The following SLC35B2 variants were observed in gnomAD, a reference collection of about 807,000 sequenced individuals.
SLC35B2 encodes the protein adenosine 3'-phospho 5'-phosphosulfate transporter 1.
Under a neutral mutation model 37.9 loss-of-function variants are expected in SLC35B2, and 19 were observed. The ratio of observed to expected loss-of-function variants is 0.50; its 90% CI spans 0.35 to 0.74. The LOEUF (loss-of-function observed/expected upper bound fraction) is 0.74. SLC35B2 is among the 30% of genes least tolerant of loss of function. The pLI is 0.01. For missense variants in SLC35B2, 633 were observed against 547.6 expected (o/e 1.16, Z -1.56); for synonymous variants, 277 against 225.2 (o/e 1.23, Z -2.06).
rs369016707 is a variant in SLC35B2 at position 44,256,530 on chromosome 6, T to G, written c.206-34A>C. 1,374 of 1,613,760 alleles carry G rather than the reference T, an allele frequency of 8.5e-4. 3 individuals carry two copies. The highest frequency in any genetic ancestry group is 1.1e-3 in the Non-Finnish European group (1,261 of 1,179,936). The stretch of plus-strand genomic sequence containing the variant: ...AGCACACAAAGTCAAGCCCCAAATC[T>G]TCTCCATAGCACTTCATCTTCCCCA... On this transcript the variant is annotated intron_variant, in intron 2 of 3. Coordinates refer to ENST00000393812, the MANE Select transcript of SLC35B2 (RefSeq NM_178148.4).
At chr6:44,256,303 C>G in intron 3 of SLC35B2, 39 bp downstream of exon 3, 8 of 1,576,802 alleles carry the variant, frequency 5.1e-6, no homozygotes, top group Non-Finnish European at 6.9e-6. Flanking sequence ...TGCCCACCGG[C>G]ATCCAACCCA....
At position 44,255,572 on chromosome 6, in the gene SLC35B2, G is replaced by C. The variant is rs141685221; in HGVS notation, c.433C>G (p.Pro145Ala). The change falls in exon 4 of 4, where the codon CCG (proline) becomes GCG (alanine). Residue 145 changes from proline (P) to alanine (A), a missense_variant. By Grantham distance (27) the Pro-to-Ala change is conservative. Coordinates refer to ENST00000393812, the MANE Select transcript of SLC35B2 (RefSeq NM_178148.4). ...TRSYGATATS[P>A]GERFTDSQFL... is the part of the protein sequence containing the mutation. Reference sequence around the variant, plus strand: ...TGCGAGTCCGTAAAGCGCTCACCCGGTGATGTGGCTGTGGCCCCATAGCTG... The same window carrying C: ...TGCGAGTCCGTAAAGCGCTCACCCGCTGATGTGGCTGTGGCCCCATAGCTG... 9.3e-6 allele frequency: 15 copies of C among 1,614,048 alleles called. No homozygotes were observed. Among genetic ancestry groups the C allele is most frequent in the African/African-American group, 2.7e-5 (2 of 74,920 alleles).
rs1401352981 is a variant in SLC35B2 at position 44,255,130 on chromosome 6, A to G, written c.875T>C (p.Leu292Pro). Residue 292 changes from leucine (L) to proline (P), a missense_variant, in exon 4 of 4, where the codon CTG becomes CCG. Transcript: ENST00000393812. ...CACCGATGACATCTTATAGGCAAAC[A>G]GGGCATCCTGCCAGTTTGAGGTGAA... ...DSFTSNWQDA[L>P]FAYKMSSVQM... 1.2e-6 allele frequency: 2 copies of G among 1,614,128 alleles called. No homozygotes were observed. Among genetic ancestry groups the G allele is most frequent in the East Asian group, 2.2e-5 (1 of 44,884 alleles).
chr6:44,256,182 C>G (rs1345325685), intron 3 of SLC35B2, among the ~76,000 whole-genome samples, 160 bp downstream of exon 3: 1 of 152,184 alleles, frequency 6.6e-6, no homozygotes, highest in East Asian at 1.9e-4. Flanking sequence ...AAGGGCATTT[C>G]CCCCAAACAC....
rs144120153 is a variant in SLC35B2, at chr6:44,255,020, G to T, written c.985C>A (p.Arg329Ser). 30 of 1,614,064 alleles carry T rather than the reference G, an allele frequency of 1.9e-5. No individual in the cohort carries two copies. Among genetic ancestry groups the T allele is most frequent in the Middle Eastern group, 3.3e-4 (2 of 6,084 alleles). The change falls in exon 4 of 4, where the codon CGC (arginine) becomes AGC (serine). Residue 329 changes from arginine (R) to serine (S), a missense_variant. Physicochemically the swap from Arg to Ser is moderately radical, Grantham distance 110 (BLOSUM62 -1). Coordinates refer to ENST00000393812, the MANE Select transcript of SLC35B2 (RefSeq NM_178148.4). Reference protein sequence around the residue: ...LEQGALLEGTRFMGRHSEFAA... With the variant: ...LEQGALLEGTSFMGRHSEFAA... Reference sequence around the variant, plus strand: ...AACTCACTGTGTCGCCCCATGAAGCGGGTTCCCTCCAGTAGGGCCCCCTGT... The same window carrying T: ...AACTCACTGTGTCGCCCCATGAAGCTGGTTCCCTCCAGTAGGGCCCCCTGT...
At position 44,256,348 on chromosome 6, in the gene SLC35B2, C is replaced by T. The variant is rs777582866; in HGVS notation, c.354G>A (p.Gly118=). The T allele has an allele frequency of 6.2e-7, 1 of 1,610,052 alleles. No individual in the cohort carries two copies. The highest frequency in any genetic ancestry group is 8.5e-7 in the Non-Finnish European group (1 of 1,178,142). ...QALKLLFCAT[G]LQVSYLTWGV... The stretch of plus-strand genomic sequence containing the variant: ...GCTGAGCCCACCTACCCACCTGGAG[C>T]CCTGTGGCACAGAAGAGCAGCTTCA... Residue 118 remains glycine (G), a synonymous_variant, in exon 3 of 4, where the codon GGG becomes GGA. Coordinates refer to ENST00000393812, the MANE Select transcript of SLC35B2 (RefSeq NM_178148.4).
At chr6:44,257,295 C>G (rs948726966) in intron 1 of SLC35B2, 105 bp downstream of exon 1, 222 of 1,237,682 alleles carry the variant, frequency 1.8e-4, no homozygotes, top group Non-Finnish European at 1.8e-4. Context: ...ATATGCTGGC[C>G]GACGGCCGAG....
rs1016712362 is a variant in SLC35B2 at position 44,255,048 on chromosome 6, T to C, written c.957A>G (p.Leu319=). The C allele has an allele frequency of 2.5e-6, 4 of 1,614,194 alleles. No individual in the cohort carries two copies. The highest frequency in any genetic ancestry group is 1.1e-5 in the South Asian group (1 of 91,082). The change falls in exon 4 of 4, where the codon CTA becomes CTG. Residue 319 remains leucine (L), a synonymous_variant. Transcript: ENST00000393812. The part of the protein sequence containing the change: ...FSCLFTVGSL[L]EQGALLEGTR... ...TTCCCTCCAGTAGGGCCCCCTGTTCTAGCAGTGAGCCCACTGTGAAGAGGC... is the reference window on the plus strand; with the variant it reads ...TTCCCTCCAGTAGGGCCCCCTGTTCCAGCAGTGAGCCCACTGTGAAGAGGC...
At chr6:44,257,570 C>G, upstream of SLC35B2, 1 of 578,880 alleles carries the variant, frequency 1.7e-6, no homozygotes, top group Non-Finnish European at 2.4e-6. Flanking sequence ...CCCCTCCGCC[C>G]CTGCCGCGAC....
rs1196444328 is a variant in SLC35B2, at chr6:44,255,644, C to A, written c.361G>T (p.Val121Leu). Residue 121 changes from valine to leucine, a missense_variant and splice_region_variant, in exon 4 of 4, where the codon GTG becomes TTG. Val to Leu is a conservative substitution (Grantham distance 32). Transcript: ENST00000393812. ...KLLFCATGLQVSYLTWGVLQE... is the reference protein window; with the variant it reads ...KLLFCATGLQLSYLTWGVLQE... The stretch of plus-strand genomic sequence containing the variant: ...AGCACACCCCAAGTCAGATAAGACA[C>A]CTGTTGGGGAAGGTAGAGACAAAGG... The A allele has an allele frequency of 6.2e-7, 1 of 1,608,804 alleles. No individual in the cohort carries two copies. The highest frequency in any genetic ancestry group is 2.2e-5 in the East Asian group (1 of 44,794).
At position 44,254,727 on chromosome 6, in the gene SLC35B2, C is replaced by T. The variant is rs547053957; in HGVS notation, c.1278G>A (p.Glu426=). ...ACCCTCAAACCTTCTGCACAGGAGA[C>T]TCAACAGGCACAGCCTTCTTTCCCC... ...KQRGKKAVPV[E]SPVQKV The change falls in exon 4 of 4, where the codon GAG becomes GAA. Residue 426 remains glutamate, a synonymous_variant. Transcript: ENST00000393812. 2.5e-6 allele frequency: 4 copies of T among 1,612,754 alleles called. No homozygotes were observed. In the South Asian group the frequency reaches 3.3e-5, roughly 13 times the overall value.
chr6:44,256,588 C>A, intron 2 of SLC35B2, 92 bp from the exon 3 acceptor site: 1 of 1,611,284 alleles, frequency 6.2e-7, no homozygotes, highest in Non-Finnish European at 8.5e-7. Flanking sequence ...TCCGGCCTAC[C>A]GACCTCCCGC....
chr6:44,257,509 A>AGCCAGCGGCCAGCGG lies in SLC35B2; in HGVS notation c.-114_-100dup, dbSNP rs1300126161. 1.7e-6 allele frequency: 2 copies of AGCCAGCGGCCAGCGG among 1,161,694 alleles called. No individual in the cohort carries two copies. Among genetic ancestry groups the AGCCAGCGGCCAGCGG allele is most frequent in the East Asian group, 6.6e-5 (2 of 30,376 alleles). 72.0% of individuals were successfully genotyped at this position (1,161,694 alleles called of 1,614,324 possible). On this transcript the variant is annotated 5_prime_UTR_variant, in exon 1 of 4. Transcript: ENST00000393812. ...CCGCCGCCTCCAGGAGCGGCCAGCG[A>AGCCAGCGGCCAGCGG]GCCAGCGGCCAGCGGAAGTGCCGCG... is the stretch of plus-strand genomic sequence containing the variant.
At chr6:44,255,739 GATTC>G in intron 3 of SLC35B2, 95 bp from the exon 4 acceptor site, 11 of 1,186,462 alleles carry the variant, frequency 9.3e-6, no homozygotes, top group Non-Finnish European at 1.3e-5. Context: ...ATGCCTAAGT[GATTC>G]AAAGGAAAAT....
At position 44,255,580 on chromosome 6, in the gene SLC35B2, G is replaced by A. The variant is rs776097084; in HGVS notation, c.425C>T (p.Ala142Val). The stretch of plus-strand genomic sequence containing the variant: ...CGTAAAGCGCTCACCCGGTGATGTG[G>A]CTGTGGCCCCATAGCTGCGGGTCAT... ...RVMTRSYGAT[A>V]TSPGERFTDS... The change falls in exon 4 of 4, where the codon GCC (alanine) becomes GTC (valine). Residue 142 changes from alanine to valine, a missense_variant. Physicochemically the swap from Ala to Val is moderately conservative, Grantham distance 64 (BLOSUM62 0). Coordinates refer to ENST00000393812, the MANE Select transcript of SLC35B2 (RefSeq NM_178148.4). The A allele has an allele frequency of 3.1e-6, 5 of 1,614,164 alleles. No homozygotes were observed. The highest frequency in any genetic ancestry group is 1.3e-5 in the African/African-American group (1 of 75,042).
At position 44,254,994 on chromosome 6, in the gene SLC35B2, A is replaced by G. The variant is rs374619721; in HGVS notation, c.1011T>C (p.Phe337=). 6.8e-6 allele frequency: 11 copies of G among 1,614,100 alleles called. No individual in the cohort carries two copies. The African/African-American group carries it at 1.1e-4, about 16-fold the overall frequency. The change falls in exon 4 of 4, where the codon TTT becomes TTC. Residue 337 remains phenylalanine (F), a synonymous_variant. Coordinates refer to ENST00000393812, the MANE Select transcript of SLC35B2 (RefSeq NM_178148.4). ...GTRFMGRHSE[F]AAHALLLSIC... is the part of the protein sequence containing the mutation. ...TGGAGAGTAGCAGGGCATGGGCAGC[A>G]AACTCACTGTGTCGCCCCATGAAGC... is the stretch of plus-strand genomic sequence containing the variant.
In SLC35B2 at chr6:44,255,654, A is replaced by G; in HGVS notation, c.361-10T>C. 6.2e-7 allele frequency: 1 copy of G among 1,605,516 alleles called. No individual in the cohort carries two copies. The highest frequency in any genetic ancestry group is 1.3e-5 in the African/African-American group (1 of 74,828). On this transcript the variant is annotated splice_polypyrimidine_tract_variant and intron_variant, in intron 3 of 3. Coordinates refer to ENST00000393812, the MANE Select transcript of SLC35B2 (RefSeq NM_178148.4). The stretch of plus-strand genomic sequence containing the variant: ...AAGTCAGATAAGACACCTGTTGGGG[A>G]AGGTAGAGACAAAGGAGACAATAAG...
rs1242532910 is a variant in SLC35B2 at position 44,254,594 on chromosome 6, T to C, written c.*112A>G. The stretch of plus-strand genomic sequence containing the variant: ...CCCCTGCTGCAGAGCTGGTCTGTGA[T>C]ACTGAGAAAACACCTGCATTTTGCC... On this transcript the variant is annotated 3_prime_UTR_variant, in exon 4 of 4. Transcript: ENST00000393812. 2 of 1,228,182 alleles carry C rather than the reference T, an allele frequency of 1.6e-6. No homozygotes were observed. The highest frequency in any genetic ancestry group is 2.3e-6 in the Non-Finnish European group (2 of 883,606). The allele number at this position is 1,228,182 out of a possible 1,614,324, so 76.1% of individuals were successfully genotyped here. A position where few individuals can be genotyped will look rare whatever the true frequency, so the allele number is the denominator to read the frequency against.
chr6:44,256,905 A>T, intron 1 of SLC35B2, 27 bp from the exon 2 acceptor site: 1 of 1,581,932 alleles, frequency 6.3e-7, no homozygotes, highest in Non-Finnish European at 8.6e-7. Flanking sequence ...CATAAGGATT[A>T]GGGCGCAGCT....
Sources: gnomAD v4.1 joint callset for allele counts (sites outside exome capture counted in the v4.1 genomes callset) on GRCh38, gnomAD v4.1.1 for gene constraint, MANE v1.5 for transcripts, NCBI Gene and HGNC (gene_info 2026-07-23, HGNC 2026-07-21) for gene names.